Variants in PCDHA10 observed in about 807,000 individuals in gnomAD.
PCDHA10 encodes the protein protocadherin alpha-10.
PCDHA10 carries 45 observed loss-of-function variants against 61.2 expected under a neutral mutation model. The ratio of observed to expected loss-of-function variants is 0.74; its 90% confidence interval spans 0.58 to 0.94. PCDHA10 has a LOEUF of 0.94. Among genes scored for constraint, PCDHA10 ranks in the 40% least tolerant of loss-of-function variants. The pLI, the probability that PCDHA10 is intolerant of heterozygous loss-of-function variation, is 0.00. For missense variants in PCDHA10, 1,278 were observed against 1,236.2 expected (o/e 1.03, Z -0.51); for synonymous variants, 602 against 548.8 (o/e 1.10, Z -1.35).
chr5:141,001,395 A>G (rs1331071816), intron 3 of PCDHA10, among the ~76,000 whole-genome samples: 1 of 152,202 alleles, frequency 6.6e-6, no homozygotes. Flanking sequence ...TCCTACAGAG[A>G]ACAGGGAGTA....
At chr5:140,926,772 G>A in intron 1 of PCDHA10, 1 of 1,380,738 alleles carries the variant, frequency 7.2e-7, no homozygotes, top group Non-Finnish European at 9.4e-7. Context: ...CCAGCCCGCA[G>A]CAGTGACGGC....
At chr5:140,999,977 C>T (rs1554257051) in intron 3 of PCDHA10, among the ~76,000 whole-genome samples, 1 of 152,068 alleles carries the variant, frequency 6.6e-6, no homozygotes, top group Non-Finnish European at 1.5e-5. Flanking sequence ...GCAGCTCTAG[C>T]GGCCTCTGGG....
intron 1 of PCDHA10, chr5:140,863,365 G>A (rs2047972870): frequency 2.5e-6 from 3 of 1,201,540 alleles, no homozygotes; most frequent in South Asian, 2.4e-5. Flanking sequence ...GCGGTGCTTG[G>A]CGCAGCTCAC....
intron 1 of PCDHA10, among the ~76,000 whole-genome samples, chr5:140,943,997 T>C (rs1387803558): frequency 2.0e-5 from 3 of 152,178 alleles, no homozygotes; most frequent in African/African-American, 7.2e-5. Flanking sequence ...ACAGAACTAC[T>C]GAGTACCCCC....
At chr5:140,983,740 C>A (rs1250895126) in intron 3 of PCDHA10, among the ~76,000 whole-genome samples, 1 of 152,190 alleles carries the variant, frequency 6.6e-6, no homozygotes, top group African/African-American at 2.4e-5. Context: ...GGCTGGCTTG[C>A]AATAATCCAT....
At chr5:140,863,259 G>T in intron 1 of PCDHA10, 1 of 1,448,654 alleles carries the variant, frequency 6.9e-7, no homozygotes. Context: ...TCGAGGTCCG[G>T]GAGGCAGCGC....
At position 140,858,244 on chromosome 5, in the gene PCDHA10, G is replaced by T. The variant is rs782743084; in HGVS notation, c.2196G>T (p.Pro732=). The T allele has an allele frequency of 1.9e-5, 30 of 1,595,808 alleles. 1 individual carries two copies. The highest frequency in any genetic ancestry group is 3.4e-4 in the Middle Eastern group (2 of 5,896). The change falls in exon 1 of 4, where the codon CCG becomes CCT. Residue 732 remains proline, a synonymous_variant. Transcript: ENST00000307360. Reference sequence around the variant, plus strand: ...CGCCCACCGAGGGCGCATGTGGGCCGGTGAAGCCCACGCTGGTGTGCTCTA... The same window carrying T: ...CGCCCACCGAGGGCGCATGTGGGCCTGTGAAGCCCACGCTGGTGTGCTCTA... ...SAAPTEGACG[P]VKPTLVCSSA... is the part of the protein sequence containing the mutation.
At chr5:140,894,505 C>T (rs1054272448) in intron 1 of PCDHA10, among the ~76,000 whole-genome samples, 9 of 151,570 alleles carry the variant, frequency 5.9e-5, no homozygotes, top group Non-Finnish European at 2.9e-5. Context: ...AGGCATTATC[C>T]ATAGTGTTTA....
intron 1 of PCDHA10, chr5:140,869,160 C>G (rs201759355): frequency 6.2e-7 from 1 of 1,613,768 alleles, no homozygotes; most frequent in African/African-American, 1.3e-5. Flanking sequence ...TCTGGCTTCT[C>G]CTCCTCGAAT....
At chr5:140,899,693 A>G (rs1269311819) in intron 1 of PCDHA10, among the ~76,000 whole-genome samples, 1 of 152,240 alleles carries the variant, frequency 6.6e-6, no homozygotes, top group East Asian at 1.9e-4. Flanking sequence ...TGCTGGCCTC[A>G]TAAAATGAGT....
chr5:141,002,555 A>C (rs1349538713), intron 3 of PCDHA10, among the ~76,000 whole-genome samples: 1 of 152,222 alleles, frequency 6.6e-6, no homozygotes, highest in Admixed American at 6.5e-5. Context: ...CCCAGGATCC[A>C]CCAGTTAGTG....
chr5:140,958,890 A>G (rs1379321415), intron 1 of PCDHA10, among the ~76,000 whole-genome samples: 1 of 152,044 alleles, frequency 6.6e-6, no homozygotes, highest in African/African-American at 2.4e-5. Context: ...CAGTAGCTAT[A>G]TAATAGATAC....
intron 1 of PCDHA10, chr5:140,883,153 A>G (rs1268982674): frequency 2.5e-6 from 4 of 1,614,120 alleles, no homozygotes; most frequent in Non-Finnish European, 8.5e-7. Flanking sequence ...CATTTACCAT[A>G]AATCCGAACA....
At chr5:140,870,634 G>A (rs782716769) in intron 1 of PCDHA10, 49 of 1,612,744 alleles carry the variant, frequency 3.0e-5, no homozygotes, top group Non-Finnish European at 3.9e-5. Context: ...GTCGGTGCAC[G>A]CGGAGAGCGG....
rs567366418 is a variant in PCDHA10 at position 140,912,439 on chromosome 5, G to T, written c.2388+54003G>T. 2.6e-5 allele frequency among the ~76,000 whole-genome samples: 4 copies of T among 151,104 alleles called. No individual in the cohort carries two copies. The East Asian group carries it at 7.8e-4, about 29-fold the overall frequency. On this transcript the variant is annotated intron_variant, in intron 1 of 3. Transcript: ENST00000307360. ...TGGTGTATAGCAGTGTTGCTGATTT[G>T]TGTGCATTGATTTTGTATCCTGGAA...
intron 1 of PCDHA10, chr5:140,871,072 G>A: frequency 6.2e-7 from 1 of 1,613,238 alleles, no homozygotes; most frequent in Non-Finnish European, 8.5e-7. Context: ...CGGTGAGCCG[G>A]CGCTGACGGC....
chr5:140,926,505 TC>T, intron 1 of PCDHA10: 1 of 190,688 alleles, frequency 5.2e-6, no homozygotes. Flanking sequence ...TCGGGGCGTC[TC>T]CCAGGCTCCG....
chr5:140,967,040 C>G, intron 1 of PCDHA10: 1 of 1,611,752 alleles, frequency 6.2e-7, no homozygotes, highest in South Asian at 1.1e-5. Flanking sequence ...CTACCTGGAG[C>G]TGGACCTGAC....
At chr5:140,885,012 G>A (rs73793512) in intron 1 of PCDHA10, among the ~76,000 whole-genome samples, 2,131 of 152,234 alleles carry the variant, frequency 0.014, 45 homozygotes, top group African/African-American at 0.049. Flanking sequence ...GAGGCTAATC[G>A]TAATCTTAAA....
Sources: allele counts gnomAD v4.1 joint callset (sites outside exome capture counted in the v4.1 genomes callset), GRCh38; gene constraint gnomAD v4.1.1; transcripts MANE v1.5; gene names NCBI Gene and HGNC (gene_info 2026-07-23, HGNC 2026-07-21).